PTCSC3: variants seen among roughly 807,000 people sequenced by gnomAD.
PTCSC3 encodes papillary thyroid carcinoma susceptibility candidate 3, also known as papillary thyroid carcinoma susceptibility candidate 3 (non-protein coding).
At chr14:36,147,103 CT>C (rs770397429) in intron 3 of PTCSC3, among the ~76,000 whole-genome samples, 6 of 152,030 alleles carry the variant, frequency 3.9e-5, no homozygotes, top group Admixed American at 6.5e-5. Context: ...ACATTTTTTC[CT>C]TCATTTCGAC....
At chr14:36,173,402 C>T (rs1471448145) in intron 1 of PTCSC3, among the ~76,000 whole-genome samples, 2 of 152,036 alleles carry the variant, frequency 1.3e-5, no homozygotes, top group Non-Finnish European at 2.9e-5. Context: ...AAAAGTAGCT[C>T]GGAGCTCTGA....
intron 1 of PTCSC3, among the ~76,000 whole-genome samples, chr14:36,168,607 G>A (rs1882139479): frequency 6.6e-6 from 1 of 151,714 alleles, no homozygotes; most frequent in Middle Eastern, 3.2e-3. Flanking sequence ...GAGAAAGAAA[G>A]GTTTTTAATA....
chr14:36,174,520 CTG>C (rs1461237297), intron 1 of PTCSC3, among the ~76,000 whole-genome samples: 1 of 152,138 alleles, frequency 6.6e-6, no homozygotes, highest in African/African-American at 2.4e-5. Context: ...ATAGTGAACA[CTG>C]TGGACAACAC....
At chr14:36,168,205 A>T (rs562697639) in intron 1 of PTCSC3, among the ~76,000 whole-genome samples, 32 of 151,942 alleles carry the variant, frequency 2.1e-4, no homozygotes, top group Admixed American at 3.3e-4. Context: ...AGCTAGTTTC[A>T]TGTGTGTTGT....
At chr14:36,162,669 A>G (rs1334589322) in exon 2 of PTCSC3, 3 of 152,380 alleles carry the variant, frequency 2.0e-5, no homozygotes, top group East Asian at 1.9e-4. Context: ...AGCTGCTCCT[A>G]TTCGGCCATT....
intron 3 of PTCSC3, among the ~76,000 whole-genome samples, chr14:36,139,118 AT>A (rs760752295): frequency 0.089 from 9,067 of 101,384 alleles, 444 homozygotes; most frequent in Middle Eastern, 0.15. Flanking sequence ...CATCTCAAAA[AT>A]AAAAAAAAAA....
At chr14:36,158,975 G>C (rs1265850219) in intron 2 of PTCSC3, among the ~76,000 whole-genome samples, 1 of 152,166 alleles carries the variant, frequency 6.6e-6, no homozygotes, top group African/African-American at 2.4e-5. Flanking sequence ...TCCTGGTGTA[G>C]ACTTGGGAGG....
intron 3 of PTCSC3, among the ~76,000 whole-genome samples, chr14:36,139,032 T>G (rs981090468): frequency 6.7e-6 from 1 of 148,242 alleles, no homozygotes; most frequent in Non-Finnish European, 1.5e-5. Flanking sequence ...GAGAATGGCG[T>G]GAACCCAGGA....
chr14:36,149,979 C>T (rs186729547), intron 3 of PTCSC3, among the ~76,000 whole-genome samples: 1 of 152,156 alleles, frequency 6.6e-6, no homozygotes, highest in African/African-American at 2.4e-5. Flanking sequence ...CTCCAGTGAG[C>T]ATTTCCTTTG....
At chr14:36,138,606 A>G (rs1881341487) in intron 3 of PTCSC3, among the ~76,000 whole-genome samples, 1 of 152,244 alleles carries the variant, frequency 6.6e-6, no homozygotes, top group Non-Finnish European at 1.5e-5. Flanking sequence ...TTAATCATTA[A>G]GGATATGCAA....
chr14:36,161,063 C>T (rs1881946261), intron 2 of PTCSC3, among the ~76,000 whole-genome samples: 1 of 152,136 alleles, frequency 6.6e-6, no homozygotes, highest in Middle Eastern at 3.2e-3. Flanking sequence ...TGTTTTTCAG[C>T]TCCATCATGT....
chr14:36,153,108 A>C (rs1045830749), intron 3 of PTCSC3, among the ~76,000 whole-genome samples: 1 of 152,070 alleles, frequency 6.6e-6, no homozygotes, highest in Non-Finnish European at 1.5e-5. Context: ...TGTTCTTTTG[A>C]TGGTCCTCTT....
chr14:36,154,810 A>G lies in PTCSC3; in HGVS notation n.232-916T>C, dbSNP rs549817104. On this transcript the variant is annotated intron_variant and non_coding_transcript_variant, in intron 2 of 3. Coordinates refer to ENST00000556013, the Ensembl canonical transcript of PTCSC3. ...GATTGGGTTCCCTTTGGGATATCCA[A>G]GTAGAGATGTCTGTAAATAATTTTA... Among the ~76,000 whole-genome samples, 10 of 152,334 alleles carry G rather than the reference A, an allele frequency of 6.6e-5. No individual in the cohort carries two copies. In the South Asian group the frequency reaches 1.9e-3, roughly 28 times the overall value.
chr14:36,149,287 G>C (rs1169123), intron 3 of PTCSC3, among the ~76,000 whole-genome samples: 88,166 of 151,850 alleles, frequency 0.58, 26,501 homozygotes, highest in Non-Finnish European at 0.67. Context: ...AAATATTTGA[G>C]ATCCATCTCG....
intron 1 of PTCSC3, among the ~76,000 whole-genome samples, chr14:36,167,829 G>A (rs1434278470): frequency 1.3e-5 from 2 of 152,116 alleles, no homozygotes; most frequent in African/African-American, 2.4e-5. Context: ...CTCATTTTAA[G>A]CACTCTAAAA....
intron 2 of PTCSC3, among the ~76,000 whole-genome samples, chr14:36,156,683 G>A: frequency 6.6e-6 from 1 of 152,036 alleles, no homozygotes; most frequent in Non-Finnish European, 1.5e-5. Flanking sequence ...CTGTTTCTGT[G>A]TTAGTTTGCT....
chr14:36,144,434 G>T (rs1881507202), intron 3 of PTCSC3, among the ~76,000 whole-genome samples: 3 of 130,898 alleles, frequency 2.3e-5, no homozygotes, highest in African/African-American at 8.5e-5. Context: ...GTGAATGGGA[G>T]TTCACTCATG....
chr14:36,165,296 G>T (rs1269050256), intron 1 of PTCSC3: 1 of 152,176 alleles, frequency 6.6e-6, no homozygotes, highest in African/African-American at 2.4e-5. Flanking sequence ...CTTAGAACAG[G>T]TAAGTGTGCT....
rs190006177 is a variant in PTCSC3, at chr14:36,148,654, G to T, written n.322+5150C>A. On this transcript the variant is annotated intron_variant and non_coding_transcript_variant, in intron 3 of 3. Transcript: ENST00000556013. The stretch of plus-strand genomic sequence containing the variant: ...TTGCTCACGCTGGTAGCTGTAGACC[G>T]GAGCTGTTCCTATTCGGCCATCTTG... Among the ~76,000 whole-genome samples, 390 of 152,300 alleles carry T rather than the reference G, an allele frequency of 2.6e-3. 2 individuals carry two copies. The highest frequency in any genetic ancestry group is 2.8e-3 in the Non-Finnish European group (192 of 68,022).
Sources: allele counts gnomAD v4.1 joint callset (sites outside exome capture counted in the v4.1 genomes callset), GRCh38; gene constraint gnomAD v4.1.1; transcripts MANE v1.5; gene names NCBI Gene and HGNC (gene_info 2026-07-23, HGNC 2026-07-21).